The following TOX4 variants were observed in gnomAD, a reference collection of about 807,000 sequenced individuals.
The protein encoded by TOX4 is TOX high mobility group box family member 4.
Under a neutral mutation model 61.0 loss-of-function variants are expected in TOX4, and 12 were observed. The ratio of observed to expected loss-of-function variants is 0.20; its 90% CI spans 0.13 to 0.32. The LOEUF (loss-of-function observed/expected upper bound fraction) is 0.32, where lower values mean the gene tolerates loss of function less well. Ranked by LOEUF, TOX4 falls within the 10% of genes least tolerant of loss-of-function variation. The pLI is 1.00. For missense variants in TOX4, 499 were observed against 753.3 expected (o/e 0.66, Z 3.95); for synonymous variants, 268 against 274.8 (o/e 0.98, Z 0.24).
intron 7 of TOX4, 59 bp downstream of exon 7, chr14:21,493,316 G>A: frequency 6.6e-7 from 1 of 1,525,442 alleles, no homozygotes; most frequent in Non-Finnish European, 8.8e-7. Flanking sequence ...GTTTTTGGTT[G>A]ACCCAATAAC....
intron 2 of TOX4, among the ~76,000 whole-genome samples, chr14:21,479,646 TCAAA>T (rs969088402): frequency 1.6e-4 from 24 of 152,306 alleles, no homozygotes; most frequent in East Asian, 1.2e-3. Context: ...AGACTCCATC[TCAAA>T]CAAACAAACA....
At chr14:21,477,448 C>T (rs1230716479) in intron 1 of TOX4, 48 bp from the exon 2 acceptor site, 1 of 1,611,490 alleles carries the variant, frequency 6.2e-7, no homozygotes. Flanking sequence ...TCCAAGCTGA[C>T]TCCCTGCTCC....
At chr14:21,492,183 TCAGTGATTAGA>T in intron 5 of TOX4, 102 bp from the exon 6 acceptor site, 2 of 1,000,354 alleles carry the variant, frequency 2.0e-6, no homozygotes, top group Non-Finnish European at 2.9e-6. Flanking sequence ...ATAGAGGTTG[TCAGTGATTAGA>T]CTAAGATGAA....
At chr14:21,481,632 T>G (rs1891108606) in intron 2 of TOX4, among the ~76,000 whole-genome samples, 1 of 152,228 alleles carries the variant, frequency 6.6e-6, no homozygotes, top group Admixed American at 6.5e-5. Flanking sequence ...ATTGCATATG[T>G]TCACCAAAAA....
In TOX4 at chr14:21,488,602, T is replaced by A. The variant is rs1394765727; in HGVS notation, c.331T>A (p.Ser111Thr). ...SGGLTMDLDHSIGTQYSANPP... is the reference protein window; with the variant it reads ...SGGLTMDLDHTIGTQYSANPP... ...CTGCTTCTCTCAGGACTTGGACCAC[T>A]CTATAGGAACTCAGTATAGTGCCAA... The change falls in exon 4 of 9, where the codon TCT becomes ACT. Residue 111 changes from serine (S) to threonine (T), a missense_variant. Ser to Thr is a moderately conservative substitution (Grantham distance 58). Around this residue, in one of 7 missense-constraint regions of TOX4, gnomAD observed 90 missense variants for 109.5 expected, o/e 0.82. Coordinates refer to ENST00000448790, the MANE Select transcript of TOX4 (RefSeq NM_014828.4). 6.2e-7 allele frequency: 1 copy of A among 1,614,182 alleles called. No individual in the cohort carries two copies.
Position 21,493,239 on chromosome 14 carries a change from C to A in TOX4, c.1623C>A (p.Ile541=). The A allele has an allele frequency of 6.2e-7, 1 of 1,611,390 alleles. No individual in the cohort carries two copies. Among genetic ancestry groups the A allele is most frequent in the Non-Finnish European group, 8.5e-7 (1 of 1,178,994 alleles). The change falls in exon 7 of 9, where the codon ATC becomes ATA. Residue 541 remains isoleucine, a synonymous_variant. Coordinates refer to ENST00000448790, the MANE Select transcript of TOX4 (RefSeq NM_014828.4). The stretch of plus-strand genomic sequence containing the variant: ...CTCCTGAGACTATCTGTGAGATGAT[C>A]ACAGATGTAGTTCCTGAGGTGAGCC... ...APSPETICEM[I]TDVVPEVESP... is the part of the protein sequence containing the mutation.
At chr14:21,482,500 G>T (rs1891122098) in intron 2 of TOX4, 3 of 439,058 alleles carry the variant, frequency 6.8e-6, no homozygotes, top group Admixed American at 6.1e-5. Flanking sequence ...TGATTTTTTG[G>T]TTCTCTTGAT....
intron 7 of TOX4, 142 bp downstream of exon 7, chr14:21,493,399 G>A (rs1891336237): frequency 3.8e-6 from 3 of 788,724 alleles, no homozygotes; most frequent in Non-Finnish European, 5.3e-6. Flanking sequence ...GGAGTTCCTT[G>A]CAGCAGTTGA....
Position 21,488,837 on chromosome 14 carries a change from A to C in TOX4, c.566A>C (p.Glu189Ala). The change falls in exon 4 of 9, where the codon GAG (glutamate) becomes GCG (alanine). Residue 189 changes from glutamate to alanine, a missense_variant. Physicochemically the swap from Glu to Ala is moderately radical, Grantham distance 107. Coordinates refer to ENST00000448790, the MANE Select transcript of TOX4 (RefSeq NM_014828.4). ...PTSSLHEDGV[E>A]DFRRQLPSQK... ...AGTTCACTTCACGAGGATGGTGTTGAGGATTTCCGGAGGGTGAGGCATTCC... is the reference window on the plus strand; with the variant it reads ...AGTTCACTTCACGAGGATGGTGTTGCGGATTTCCGGAGGGTGAGGCATTCC... 6.2e-7 allele frequency: 1 copy of C among 1,613,942 alleles called. No homozygotes were observed. The highest frequency in any genetic ancestry group is 8.5e-7 in the Non-Finnish European group (1 of 1,179,800).
chr14:21,483,035 T>C (rs958651990), intron 2 of TOX4, among the ~76,000 whole-genome samples: 2 of 152,194 alleles, frequency 1.3e-5, no homozygotes, highest in Non-Finnish European at 2.9e-5. Flanking sequence ...TCCTACATAA[T>C]GGAATCTCAA....
intron 3 of TOX4, 110 bp downstream of exon 3, chr14:21,487,803 G>A: frequency 7.7e-7 from 1 of 1,294,382 alleles, no homozygotes. Context: ...TTCTCTTCTT[G>A]TGGCTAAAGG....
intron 2 of TOX4, among the ~76,000 whole-genome samples, chr14:21,486,464 T>TGCAGCC (rs1891191205): frequency 5.2e-5 from 2 of 38,646 alleles, no homozygotes; most frequent in African/African-American, 1.0e-4. Flanking sequence ...GAAATCTCAC[T>TGCAGCC]TATCCTCATA....
In TOX4 at chr14:21,487,454, T is replaced by C. The variant is rs1215741367; in HGVS notation, c.79T>C (p.Phe27Leu). The change falls in exon 3 of 9, where the codon TTC becomes CTC. Residue 27 changes from phenylalanine to leucine, a missense_variant. Phe to Leu is a conservative substitution (Grantham distance 22). Transcript: ENST00000448790. ...TTCCCCCTTTTTTCCCCTACAGACA[T>C]TCCATACACCAAGCTTGGGTGATGA... ...SHPFLSGAET[F>L]HTPSLGDEEF... 1 of 1,613,850 alleles carries C rather than the reference T, an allele frequency of 6.2e-7. No individual in the cohort carries two copies. The highest frequency in any genetic ancestry group is 8.5e-7 in the Non-Finnish European group (1 of 1,179,748).
intron 2 of TOX4, 119 bp downstream of exon 2, chr14:21,477,683 GT>G: frequency 8.7e-7 from 1 of 1,149,614 alleles, no homozygotes; most frequent in Non-Finnish European, 1.3e-6. Context: ...CGCAATTGGT[GT>G]TTAGAGAAAA....
chr14:21,483,293 A>G (rs552166455), intron 2 of TOX4, among the ~76,000 whole-genome samples: 22 of 152,254 alleles, frequency 1.4e-4, no homozygotes, highest in Admixed American at 1.4e-3. Context: ...GCTTTGCCAA[A>G]GCAATCTGTA....
rs1280838773 is a variant in TOX4 at position 21,477,291 on chromosome 14, A to G, written c.6+7A>G. The G allele has an allele frequency of 1.9e-6, 3 of 1,613,956 alleles. No individual in the cohort carries two copies. Among genetic ancestry groups the G allele is most frequent in the East Asian group, 2.2e-5 (1 of 44,880 alleles). ...CGGTTGTGTGAAGATGGAGGTAGGAACCTGATAGCTAAGAAGGCTGGCGAG... is the reference window on the plus strand; with the variant it reads ...CGGTTGTGTGAAGATGGAGGTAGGAGCCTGATAGCTAAGAAGGCTGGCGAG... On this transcript the variant is annotated splice_region_variant and intron_variant, in intron 1 of 8. Coordinates refer to ENST00000448790, the MANE Select transcript of TOX4 (RefSeq NM_014828.4).
In TOX4 at chr14:21,484,783, C is replaced by T. The variant is rs1325650926; in HGVS notation, c.76-2668C>T. On this transcript the variant is annotated intron_variant, in intron 2 of 8. Transcript: ENST00000448790. ...AAGTGATCCTCGTGCCTCAGCCTCT[C>T]GAGTAGCTAGGATTATAGGTGTGTG... 3.8e-5 allele frequency among the ~76,000 whole-genome samples: 4 copies of T among 105,498 alleles called. 2 individuals are homozygous for T. The highest frequency in any genetic ancestry group is 7.2e-5 in the African/African-American group (2 of 27,958). The allele number at this position is 105,498 out of a possible 152,430, so 69.2% of individuals were successfully genotyped here. A position where few individuals can be genotyped will look rare whatever the true frequency, so the allele number is the denominator to read the frequency against.
chr14:21,495,422 C>A, intron 8 of TOX4, 30 bp downstream of exon 8: 1 of 1,593,194 alleles, frequency 6.3e-7, no homozygotes, highest in Non-Finnish European at 8.6e-7. Flanking sequence ...TTTTATAATT[C>A]AGCTACTGGT....
At chr14:21,485,191 G>A (rs541115298) in intron 2 of TOX4, among the ~76,000 whole-genome samples, 2 of 105,206 alleles carry the variant, frequency 1.9e-5, no homozygotes, top group Non-Finnish European at 2.1e-5. Context: ...CAAGGAGGGC[G>A]GATCACCTGA....
Sources: allele counts gnomAD v4.1 joint callset (sites outside exome capture counted in the v4.1 genomes callset), GRCh38; gene constraint gnomAD v4.1.1; regional missense constraint gnomAD v4.1.1; transcripts MANE v1.5; gene names NCBI Gene and HGNC (gene_info 2026-07-23, HGNC 2026-07-21).